The following IMMP2L variants were observed in gnomAD, a reference collection of about 807,000 sequenced individuals.
The protein encoded by IMMP2L is inner mitochondrial membrane peptidase subunit 2.
A neutral mutation model predicts 19.3 loss-of-function variants in IMMP2L; 18 were observed. That is an observed-to-expected ratio of 0.93 (90% CI 0.64 to 1.38). The LOEUF (loss-of-function observed/expected upper bound fraction) is 1.38, where lower values mean the gene tolerates loss of function less well. IMMP2L is among the 40% of genes most tolerant of loss of function. The pLI is 0.00. For synonymous variants in IMMP2L, 76 were observed against 73.0 expected, an observed-to-expected ratio of 1.04 and a Z score of -0.21; for missense variants, 233 against 218.2, an observed-to-expected ratio of 1.07 and a Z score of -0.43.
chr7:110,887,740 CTT>C (rs200175790), intron 4 of IMMP2L, among the ~76,000 whole-genome samples: 1 of 145,108 alleles, frequency 6.9e-6, no homozygotes, highest in African/African-American at 2.5e-5. Context: ...GCAGAGACTG[CTT>C]TTTTTTTTTT....
intron 3 of IMMP2L, among the ~76,000 whole-genome samples, chr7:111,270,247 T>C (rs546559882): frequency 1.3e-5 from 2 of 152,294 alleles, no homozygotes; most frequent in South Asian, 2.1e-4. Flanking sequence ...GTCAAGTGAA[T>C]GTACTGTAGC....
intron 3 of IMMP2L, among the ~76,000 whole-genome samples, chr7:111,266,977 C>T (rs1224074686): frequency 6.6e-6 from 1 of 152,170 alleles, no homozygotes; most frequent in East Asian, 1.9e-4. Flanking sequence ...ATTTCTCTAC[C>T]CTAGCTTTCC....
chr7:111,185,123 G>A (rs955094461), intron 3 of IMMP2L, among the ~76,000 whole-genome samples: 1 of 152,180 alleles, frequency 6.6e-6, no homozygotes, highest in Non-Finnish European at 1.5e-5. Flanking sequence ...GAGAAGCTTT[G>A]ATAAATCTCT....
chr7:111,080,518 A>T (rs200422602), intron 3 of IMMP2L, among the ~76,000 whole-genome samples: 3 of 146,048 alleles, frequency 2.1e-5, no homozygotes, highest in Non-Finnish European at 4.5e-5. Context: ...TAATGTGTGT[A>T]TAATATATAT....
At chr7:110,906,818 A>C (rs1315103365) in intron 4 of IMMP2L, among the ~76,000 whole-genome samples, 1 of 152,182 alleles carries the variant, frequency 6.6e-6, no homozygotes, top group Non-Finnish European at 1.5e-5. Flanking sequence ...TAAACACTCA[A>C]TTAATGTCAG....
chr7:111,147,096 C>T (rs1562853163), intron 3 of IMMP2L, among the ~76,000 whole-genome samples: 1 of 151,976 alleles, frequency 6.6e-6, no homozygotes, highest in Non-Finnish European at 1.5e-5. Flanking sequence ...AGATGCTAAT[C>T]TTGTTTTAGA....
chr7:111,139,698 T>C (rs1055151411), intron 3 of IMMP2L, among the ~76,000 whole-genome samples: 1 of 152,104 alleles, frequency 6.6e-6, no homozygotes, highest in Admixed American at 6.5e-5. Context: ...ATTCACTTTA[T>C]AAAAATAGCA....
At chr7:110,748,522 A>C (rs1259343078) in intron 5 of IMMP2L, among the ~76,000 whole-genome samples, 1 of 152,186 alleles carries the variant, frequency 6.6e-6, no homozygotes, top group Non-Finnish European at 1.5e-5. Context: ...CAGTAACAAA[A>C]ACAGCATGGT....
At chr7:110,808,621 G>A (rs1476950148) in intron 5 of IMMP2L, among the ~76,000 whole-genome samples, 1 of 152,016 alleles carries the variant, frequency 6.6e-6, no homozygotes, top group East Asian at 1.9e-4. Flanking sequence ...AGTGCAGATG[G>A]TTTTCTTTAC....
intron 3 of IMMP2L, among the ~76,000 whole-genome samples, chr7:111,163,265 G>T (rs772984318): frequency 1.3e-5 from 2 of 151,938 alleles, no homozygotes; most frequent in African/African-American, 2.4e-5. Flanking sequence ...CTGGAGAGGC[G>T]TCAATTAACA....
chr7:110,668,026 T>C (rs1411154851), intron 5 of IMMP2L, among the ~76,000 whole-genome samples: 1 of 152,156 alleles, frequency 6.6e-6, no homozygotes, highest in African/African-American at 2.4e-5. Context: ...ACATGCTATA[T>C]TCTCTTGTGC....
At chr7:111,273,399 C>T (rs1421673195) in intron 3 of IMMP2L, among the ~76,000 whole-genome samples, 1 of 151,992 alleles carries the variant, frequency 6.6e-6, no homozygotes, top group Non-Finnish European at 1.5e-5. Context: ...CATGGGTAGC[C>T]TTATTTGACA....
intron 3 of IMMP2L, among the ~76,000 whole-genome samples, chr7:111,050,053 C>A (rs970374855): frequency 2.0e-5 from 3 of 152,148 alleles, no homozygotes; most frequent in Non-Finnish European, 4.4e-5. Flanking sequence ...TTTGAGGAGG[C>A]ACAGTCTCAA....
At chr7:110,671,034 A>G (rs1791884574) in intron 5 of IMMP2L, among the ~76,000 whole-genome samples, 1 of 152,242 alleles carries the variant, frequency 6.6e-6, no homozygotes, top group African/African-American at 2.4e-5. Context: ...ATTTCAAAAC[A>G]CAATAGCAAA....
chr7:111,366,667 A>C (rs1464145824), intron 3 of IMMP2L, among the ~76,000 whole-genome samples: 1 of 152,048 alleles, frequency 6.6e-6, no homozygotes, highest in Non-Finnish European at 1.5e-5. Flanking sequence ...CCTTAATCTT[A>C]GGAAATTGCA....
At chr7:111,476,684 T>G (rs1841753766) in intron 3 of IMMP2L, among the ~76,000 whole-genome samples, 1 of 152,178 alleles carries the variant, frequency 6.6e-6, no homozygotes, top group Admixed American at 6.5e-5. Flanking sequence ...CCGAGGTACT[T>G]GTTTCCTTGC....
intron 3 of IMMP2L, among the ~76,000 whole-genome samples, chr7:111,396,511 C>T (rs140353944): frequency 2.5e-4 from 38 of 151,940 alleles, no homozygotes; most frequent in African/African-American, 8.4e-4. Context: ...GGCTGTGGGG[C>T]AAGGGGAGAT....
At chr7:111,496,620 C>T (rs908530515) in intron 2 of IMMP2L, among the ~76,000 whole-genome samples, 4 of 152,162 alleles carry the variant, frequency 2.6e-5, no homozygotes, top group Admixed American at 6.5e-5. Context: ...TCTCTCCTGA[C>T]GCTGGGACAA....
intron 5 of IMMP2L, among the ~76,000 whole-genome samples, chr7:110,673,217 A>T (rs1029617325): frequency 6.6e-6 from 1 of 152,100 alleles, no homozygotes; most frequent in Non-Finnish European, 1.5e-5. Flanking sequence ...TGGGGCTTGT[A>T]CCCTCCGAAG....
Sources: gnomAD v4.1 joint callset for allele counts (sites outside exome capture counted in the v4.1 genomes callset) on GRCh38, gnomAD v4.1.1 for gene constraint, MANE v1.5 for transcripts, NCBI Gene and HGNC (gene_info 2026-07-23, HGNC 2026-07-21) for gene names.